Variants in SLCO6A1 observed in about 807,000 individuals in gnomAD.
SLCO6A1 encodes cancer/testis antigen 48.
In SLCO6A1, 65 loss-of-function variants were observed where a neutral mutation model predicts 72.7. The observed-to-expected ratio is 0.89, with a 90% CI of 0.73 to 1.10. SLCO6A1 has a LOEUF of 1.10. Ranked by LOEUF, SLCO6A1 falls within the 50% of genes least tolerant of loss-of-function variation. SLCO6A1 has a pLI of 0.00. For synonymous variants in SLCO6A1, 314 were observed against 298.2 expected, an observed-to-expected ratio of 1.05 and a Z score of -0.55; for missense variants, 874 against 872.6, an observed-to-expected ratio of 1.00 and a Z score of -0.02.
In SLCO6A1 at chr5:102,477,934, C is replaced by G. The variant is rs1751995752; in HGVS notation, c.617-73G>C. Reference sequence around the variant, plus strand: ...AAAACAAATGTGCAGTATTCTTTATCAAATATTTTACAAGCTATTTCCAAA... The same window carrying G: ...AAAACAAATGTGCAGTATTCTTTATGAAATATTTTACAAGCTATTTCCAAA... On this transcript the variant is annotated intron_variant, in intron 2 of 13. Coordinates refer to ENST00000506729, the MANE Select transcript of SLCO6A1 (RefSeq NM_173488.5). The G allele has an allele frequency of 2.2e-6, 3 of 1,393,000 alleles. No individual in the cohort carries two copies. In the East Asian group the frequency reaches 7.0e-5, roughly 32 times the overall value. 86.3% of individuals were successfully genotyped at this position (1,393,000 alleles called of 1,614,324 possible).
At chr5:102,372,713 CAGGT>C (rs1166472545) in intron 13 of SLCO6A1, among the ~76,000 whole-genome samples, 1 of 149,186 alleles carries the variant, frequency 6.7e-6, no homozygotes, top group Non-Finnish European at 1.5e-5. Flanking sequence ...TAACAAAAAA[CAGGT>C]AGAAGTATAT....
chr5:102,387,268 C>A (rs888799088), intron 12 of SLCO6A1, among the ~76,000 whole-genome samples: 7 of 152,174 alleles, frequency 4.6e-5, no homozygotes, highest in Admixed American at 6.5e-5. Flanking sequence ...AATTGCCACA[C>A]ATGCATAATG....
chr5:102,489,806 G>T (rs1752595206), intron 1 of SLCO6A1, among the ~76,000 whole-genome samples: 1 of 152,176 alleles, frequency 6.6e-6, no homozygotes, highest in Non-Finnish European at 1.5e-5. Flanking sequence ...CATGTTTATT[G>T]AAGCAATATT....
chr5:102,433,712 T>C lies in SLCO6A1; in HGVS notation c.1276+4905A>G, dbSNP rs186870316. ...GCAGCCAAAGCACTTTGTAGGGCAG[T>C]GGCAATGGGATCCATCCTGTTTGCA... On this transcript the variant is annotated intron_variant, in intron 7 of 13. Transcript: ENST00000506729. 1.6e-3 allele frequency among the ~76,000 whole-genome samples: 249 copies of C among 152,246 alleles called. 2 individuals are homozygous for C. Among genetic ancestry groups the C allele is most frequent in the African/African-American group, 5.7e-3 (235 of 41,558 alleles).
At chr5:102,462,729 A>G (rs1206095632) in intron 4 of SLCO6A1, among the ~76,000 whole-genome samples, 1 of 152,170 alleles carries the variant, frequency 6.6e-6, no homozygotes, top group African/African-American at 2.4e-5. Flanking sequence ...TTATACAAAA[A>G]TCAACTCAAG....
At chr5:102,496,857 A>G (rs1253824443) in intron 1 of SLCO6A1, among the ~76,000 whole-genome samples, 1 of 152,204 alleles carries the variant, frequency 6.6e-6, no homozygotes, top group Non-Finnish European at 1.5e-5. Flanking sequence ...TTTCTAAAAC[A>G]AAACACGATT....
rs946158708 is a variant in SLCO6A1 at position 102,421,218 on chromosome 5, CAGG to C, written c.1277-1200_1277-1198del. Among the ~76,000 whole-genome samples, 225 of 152,060 alleles carry C rather than the reference CAGG, an allele frequency of 1.5e-3. 1 individual carries two copies. The highest frequency in any genetic ancestry group is 1.9e-4 in the East Asian group (1 of 5,160). ...AGTTGGGCAGACAATGAGCTAGCTG[CAGG>C]AGTTTTTTTTTTTCATACCCCAGTG... On this transcript the variant is annotated intron_variant, in intron 7 of 13. Transcript: ENST00000506729.
At chr5:102,472,009 C>T (rs10044561) in intron 4 of SLCO6A1, among the ~76,000 whole-genome samples, 28,360 of 151,782 alleles carry the variant, frequency 0.19, 3,511 homozygotes, top group Non-Finnish European at 0.24. Context: ...CAGGAAGAAC[C>T]GAAAGAATAA....
At chr5:102,474,352 TG>T (rs1751786252) in intron 4 of SLCO6A1, among the ~76,000 whole-genome samples, 1 of 151,938 alleles carries the variant, frequency 6.6e-6, no homozygotes, top group Non-Finnish European at 1.5e-5. Flanking sequence ...AAAACAGTGT[TG>T]GGAAAACTGG....
intron 11 of SLCO6A1, among the ~76,000 whole-genome samples, chr5:102,389,440 A>AC (rs1405717636): frequency 5.9e-4 from 31 of 52,882 alleles, no homozygotes; most frequent in African/African-American, 1.2e-3. Context: ...ACAGTCACAC[A>AC]CCCCGCCCCC....
At chr5:102,469,619 A>C in intron 4 of SLCO6A1, among the ~76,000 whole-genome samples, 1 of 151,994 alleles carries the variant, frequency 6.6e-6, no homozygotes, top group Admixed American at 6.6e-5. Flanking sequence ...GACAATTTGA[A>C]TTCCTCTTTT....
intron 6 of SLCO6A1, among the ~76,000 whole-genome samples, 181 bp downstream of exon 6, chr5:102,458,201 T>C (rs1272566751): frequency 2.0e-5 from 3 of 151,842 alleles, no homozygotes; most frequent in East Asian, 1.9e-4. Context: ...TGTATACATA[T>C]GTAACTAACC....
intron 9 of SLCO6A1, among the ~76,000 whole-genome samples, chr5:102,401,065 G>A (rs1309795445): frequency 6.6e-6 from 1 of 151,666 alleles, no homozygotes; most frequent in African/African-American, 2.4e-5. Flanking sequence ...AATATTGGGG[G>A]GGTTATAGGA....
chr5:102,456,910 A>G (rs1174191323), intron 6 of SLCO6A1, among the ~76,000 whole-genome samples: 12 of 152,176 alleles, frequency 7.9e-5, no homozygotes, highest in African/African-American at 2.9e-4. Flanking sequence ...AGAGATATAG[A>G]CCAATGGAAC....
chr5:102,382,876 T>C (rs1396620556), intron 12 of SLCO6A1, among the ~76,000 whole-genome samples: 3 of 150,708 alleles, frequency 2.0e-5, no homozygotes, highest in Non-Finnish European at 3.0e-5. Flanking sequence ...AGTTTTTTGG[T>C]GGAGATTCAT....
intron 6 of SLCO6A1, among the ~76,000 whole-genome samples, chr5:102,447,125 T>C (rs1297620880): frequency 1.3e-5 from 2 of 152,232 alleles, no homozygotes; most frequent in Non-Finnish European, 1.5e-5. Flanking sequence ...GAGATGATCA[T>C]GTGCTTTTGT....
chr5:102,376,750 A>G lies in SLCO6A1; in HGVS notation c.2018-3256T>C, dbSNP rs111655487. 9.6e-3 allele frequency among the ~76,000 whole-genome samples: 1,460 copies of G among 152,318 alleles called. 11 individuals are homozygous for G. Among genetic ancestry groups the G allele is most frequent in the Non-Finnish European group, 0.014 (928 of 68,030 alleles). ...TCTAGGTGTACATGAATAATTCATG[A>G]GATAGAGCATCTGATAGGTCATAAG... On this transcript the variant is annotated intron_variant, in intron 12 of 13. Transcript: ENST00000506729.
intron 11 of SLCO6A1, among the ~76,000 whole-genome samples, chr5:102,389,500 C>A (rs2112514928): frequency 7.1e-6 from 1 of 140,582 alleles, no homozygotes; most frequent in Non-Finnish European, 1.5e-5. Context: ...CTCAGATTCT[C>A]AGAACTAAAA....
At chr5:102,454,841 A>G (rs1186705136) in intron 6 of SLCO6A1, among the ~76,000 whole-genome samples, 3 of 151,504 alleles carry the variant, frequency 2.0e-5, no homozygotes, top group African/African-American at 7.3e-5. Context: ...ATTTTGATAA[A>G]AATTAAAACT....
Sources: allele counts gnomAD v4.1 joint callset (sites outside exome capture counted in the v4.1 genomes callset), GRCh38; gene constraint gnomAD v4.1.1; transcripts MANE v1.5; gene names NCBI Gene and HGNC (gene_info 2026-07-23, HGNC 2026-07-21).